ROS1: variants seen among roughly 807,000 people sequenced by gnomAD.
The protein encoded by ROS1 is ROS proto-oncogene 1, receptor tyrosine kinase.
Under a neutral mutation model 273.5 loss-of-function variants are expected in ROS1, and 263 were observed. That is an observed-to-expected ratio of 0.96 (90% CI 0.87 to 1.06). The LOEUF (loss-of-function observed/expected upper bound fraction) is 1.06, where lower values mean the gene tolerates loss of function less well. Among genes scored for constraint, ROS1 ranks in the 50% least tolerant of loss-of-function variants. The pLI, the probability that ROS1 is intolerant of heterozygous loss-of-function variation, is 0.00. For missense variants in ROS1, 2,833 were observed against 2,751.1 expected, an observed-to-expected ratio of 1.03 and a Z score of -0.67; for synonymous variants, 1,008 against 954.1, an observed-to-expected ratio of 1.06 and a Z score of -1.04.
chr6:117,306,810 G>A (rs1354818043), intron 42 of ROS1, among the ~76,000 whole-genome samples: 2 of 152,114 alleles, frequency 1.3e-5, no homozygotes, highest in East Asian at 3.9e-4. Context: ...AGATTGAATG[G>A]TATTGCTGAG....
chr6:117,335,807 A>C (rs1254142393), intron 32 of ROS1, among the ~76,000 whole-genome samples: 1 of 152,066 alleles, frequency 6.6e-6, no homozygotes, highest in Non-Finnish European at 1.5e-5. Context: ...GGATACAGAG[A>C]GGGGAACAGC....
chr6:117,298,051 A>G (rs1368366648), intron 43 of ROS1, among the ~76,000 whole-genome samples: 1 of 152,184 alleles, frequency 6.6e-6, no homozygotes, highest in African/African-American at 2.4e-5. Context: ...AAGGAATGAA[A>G]TCATGTATTT....
In ROS1 at chr6:117,387,933, C is replaced by T. The variant is rs759714879; in HGVS notation, c.1846G>A (p.Glu616Lys). ...EVKVSTQDPP[E>K]VTHIFLNISG... is the part of the protein sequence containing the mutation. Reference sequence around the variant, plus strand: ...ATGTTCAAGAAAATATGAGTGACTTCAGGAGGGTCTTGGGTGGATACTTTC... The same window carrying T: ...ATGTTCAAGAAAATATGAGTGACTTTAGGAGGGTCTTGGGTGGATACTTTC... The change falls in exon 14 of 44, where the codon GAA becomes AAA. Residue 616 changes from glutamate to lysine, a missense_variant. Coordinates refer to ENST00000368507, the MANE Select transcript of ROS1 (RefSeq NM_001378902.1). 5.0e-6 allele frequency: 8 copies of T among 1,614,062 alleles called. No homozygotes were observed. Among genetic ancestry groups the T allele is most frequent in the Non-Finnish European group, 6.8e-6 (8 of 1,180,024 alleles).
intron 43 of ROS1, among the ~76,000 whole-genome samples, chr6:117,294,739 G>C (rs1397265545): frequency 6.6e-6 from 1 of 152,014 alleles, no homozygotes; most frequent in Non-Finnish European, 1.5e-5. Context: ...AAACACCTAG[G>C]AATATATTAA....
chr6:117,398,294 A>T (rs1219971308), intron 7 of ROS1, among the ~76,000 whole-genome samples: 1 of 152,152 alleles, frequency 6.6e-6, no homozygotes, highest in Non-Finnish European at 1.5e-5. Flanking sequence ...CAACAACACA[A>T]AAATCATCCC....
chr6:117,297,916 C>A (rs956527440), intron 43 of ROS1, among the ~76,000 whole-genome samples: 60 of 152,148 alleles, frequency 3.9e-4, no homozygotes, highest in Admixed American at 3.9e-3. Context: ...AACATACTTA[C>A]ACTCATATGT....
chr6:117,417,128 A>T (rs1460884592), intron 2 of ROS1, among the ~76,000 whole-genome samples: 1 of 152,100 alleles, frequency 6.6e-6, no homozygotes, highest in Non-Finnish European at 1.5e-5. Flanking sequence ...CTGAGGCTCC[A>T]TCCTGAGCTC....
At chr6:117,327,817 G>C (rs1232659592) in intron 33 of ROS1, among the ~76,000 whole-genome samples, 3 of 152,178 alleles carry the variant, frequency 2.0e-5, no homozygotes, top group African/African-American at 7.2e-5. Context: ...CTAATCCAAT[G>C]ACTGGCACTT....
chr6:117,424,374 G>A (rs376385414), intron 1 of ROS1, among the ~76,000 whole-genome samples: 2 of 151,188 alleles, frequency 1.3e-5, no homozygotes, highest in East Asian at 1.9e-4. Context: ...AGATTACTAG[G>A]GCTAGAATTA....
At chr6:117,403,431 G>A (rs750280960) in intron 6 of ROS1, among the ~76,000 whole-genome samples, 154 bp from the exon 7 acceptor site, 6 of 152,158 alleles carry the variant, frequency 3.9e-5, no homozygotes, top group Non-Finnish European at 7.3e-5. Context: ...AGATATCAGC[G>A]TGCAGAATTC....
At chr6:117,356,547 G>A (rs568341663) in intron 26 of ROS1, 82 bp downstream of exon 26, 30 of 1,227,184 alleles carry the variant, frequency 2.4e-5, no homozygotes, top group Middle Eastern at 2.0e-4. Flanking sequence ...TTGAGTATAC[G>A]CGGAATGCAA....
In ROS1 at chr6:117,341,442, G is replaced by C; in HGVS notation, c.4842C>G (p.Leu1614=). 6.2e-7 allele frequency: 1 copy of C among 1,613,878 alleles called. No homozygotes were observed. The highest frequency in any genetic ancestry group is 8.5e-7 in the Non-Finnish European group (1 of 1,179,808). Residue 1614 remains leucine, a synonymous_variant, in exon 30 of 44, where the codon CTC becomes CTG. Transcript: ENST00000368507. ...QSEFPNGRLT[L]LVTRLSGGNI... ...TTCCACCAGACAGTCTAGTAACAAGGAGAGTGAGCCTTCCATTTGGAAATT... is the reference window on the plus strand; with the variant it reads ...TTCCACCAGACAGTCTAGTAACAAGCAGAGTGAGCCTTCCATTTGGAAATT...
At chr6:117,359,216 A>T (rs1779580421) in intron 24 of ROS1, among the ~76,000 whole-genome samples, 1 of 152,166 alleles carries the variant, frequency 6.6e-6, no homozygotes, top group South Asian at 2.1e-4. Flanking sequence ...CTACGTGTTC[A>T]TTCTCTGTGA....
chr6:117,404,219 T>TAAA, intron 6 of ROS1, 61 bp downstream of exon 6: 1 of 1,152,568 alleles, frequency 8.7e-7, no homozygotes, highest in South Asian at 1.3e-5. Context: ...AGACTCCGTC[T>TAAA]CAAAAAAAAA....
Position 117,341,474 on chromosome 6 carries a change from G to A in ROS1, c.4810C>T (p.Gln1604Ter). 1 of 1,613,870 alleles carries A rather than the reference G, an allele frequency of 6.2e-7. No homozygotes were observed. The highest frequency in any genetic ancestry group is 1.3e-5 in the African/African-American group (1 of 75,016). Residue 1604 changes from glutamine to a stop codon, truncating the protein, a stop_gained, in exon 30 of 44, where the codon CAA becomes TAA. Coordinates refer to ENST00000368507, the MANE Select transcript of ROS1 (RefSeq NM_001378902.1). LOFTEE classifies it high-confidence loss of function. The stretch of plus-strand genomic sequence containing the variant: ...AGCCTTCCATTTGGAAATTCACTTT[G>A]TCTTAGAGGAGTTTCAGGAATTAGG... ...LALIPETPLR[Q>*]SEFPNGRLTL...
chr6:117,383,318 T>A lies in ROS1; in HGVS notation c.2480A>T (p.Lys827Met). 1.9e-6 allele frequency: 3 copies of A among 1,602,050 alleles called. No homozygotes were observed. The highest frequency in any genetic ancestry group is 2.6e-6 in the Non-Finnish European group (3 of 1,170,262). The change falls in exon 17 of 44, where the codon AAG becomes ATG. Residue 827 changes from lysine (K) to methionine (M), a missense_variant and splice_region_variant. By Grantham distance (95) the Lys-to-Met change is moderately conservative (BLOSUM62 -1). Transcript: ENST00000368507. Reference sequence around the variant, plus strand: ...TGATCAGATCTTTTAATTTGTCACCTTTTTCCCAGAAAACCAAGGCTGTGT... The same window carrying A: ...TGATCAGATCTTTTAATTTGTCACCATTTTCCCAGAAAACCAAGGCTGTGT... ...LQTQPWFSGK[K>M]VIALTLDLSD...
In ROS1 at chr6:117,308,648, C is replaced by G. The variant is rs906546321; in HGVS notation, c.6551+146G>C. ...GCCATAATATATTCACAAATTGACA[C>G]AATGAATTGATATTTTATGTGGGGT... On this transcript the variant is annotated intron_variant, in intron 42 of 43. Coordinates refer to ENST00000368507, the MANE Select transcript of ROS1 (RefSeq NM_001378902.1). The G allele has an allele frequency of 1.6e-5, 12 of 733,126 alleles. 2 individuals carry two copies. The South Asian group carries it at 2.6e-4, about 16-fold the overall frequency. 45.4% of individuals were successfully genotyped at this position (733,126 alleles called of 1,614,324 possible).
At chr6:117,327,783 G>A (rs927732259) in intron 33 of ROS1, among the ~76,000 whole-genome samples, 4 of 152,164 alleles carry the variant, frequency 2.6e-5, no homozygotes, top group Admixed American at 2.0e-4. Context: ...GTTAAGATGA[G>A]GTCATAGTAG....
intron 43 of ROS1, among the ~76,000 whole-genome samples, chr6:117,295,619 T>C (rs993278552): frequency 6.6e-6 from 1 of 152,058 alleles, no homozygotes; most frequent in African/African-American, 2.4e-5. Context: ...CCAGAATACA[T>C]AGGGAGCTCA....
Sources: allele counts gnomAD v4.1 joint callset (sites outside exome capture counted in the v4.1 genomes callset), GRCh38; gene constraint gnomAD v4.1.1; transcripts MANE v1.5; gene names NCBI Gene and HGNC (gene_info 2026-07-23, HGNC 2026-07-21).